The following FER variants were observed in gnomAD, a reference collection of about 807,000 sequenced individuals.
FER encodes tyrosine-protein kinase Fer.
FER carries 63 observed loss-of-function variants against 111.0 expected under a neutral mutation model. That is an observed-to-expected ratio of 0.57 (90% CI 0.46 to 0.70). The LOEUF is 0.70. Among genes scored for constraint, FER ranks in the 30% least tolerant of loss-of-function variants. FER has a pLI of 0.00. For missense variants in FER, 914 were observed against 954.0 expected, an observed-to-expected ratio of 0.96 and a Z score of 0.55; for synonymous variants, 327 against 313.9, an observed-to-expected ratio of 1.04 and a Z score of -0.44.
In FER at chr5:108,930,608, C is replaced by G. The variant is rs537067219; in HGVS notation, c.1237-15522C>G. On this transcript the variant is annotated intron_variant, in intron 10 of 19. Transcript: ENST00000281092. ...CTCTGCCCTCCCCTCCTCCTCTCCC[C>G]TCCTTTTTTCCTTCCCTCTCCTTCC... 4.0e-5 allele frequency among the ~76,000 whole-genome samples: 3 copies of G among 75,398 alleles called. No homozygotes were observed. The East Asian group carries it at 1.1e-3, about 26-fold the overall frequency. The allele number at this position is 75,398 out of a possible 152,430, so 49.5% of individuals were successfully genotyped here.
chr5:108,820,216 G>C, intron 3 of FER: 1 of 985,408 alleles, frequency 1.0e-6, no homozygotes, highest in Non-Finnish European at 1.2e-6. Context: ...CTGGACGTGA[G>C]CTATAAAAGT....
chr5:109,034,090 C>T (rs1293337679), intron 13 of FER, among the ~76,000 whole-genome samples: 3 of 152,146 alleles, frequency 2.0e-5, no homozygotes, highest in Non-Finnish European at 4.4e-5. Context: ...AAACTTACTC[C>T]TCCCATCTAA....
intron 16 of FER, among the ~76,000 whole-genome samples, chr5:109,083,731 A>C (rs1310284226): frequency 6.6e-6 from 1 of 151,994 alleles, no homozygotes; most frequent in Non-Finnish European, 1.5e-5. Context: ...TTTAGTGAGC[A>C]ACTCTGAAAG....
intron 17 of FER, among the ~76,000 whole-genome samples, chr5:109,174,238 G>A (rs1365533946): frequency 1.3e-5 from 2 of 152,110 alleles, no homozygotes; most frequent in Admixed American, 1.3e-4. Context: ...GATCAGCAGT[G>A]CACTGAAATG....
At chr5:108,776,600 A>G (rs1753523320) in intron 2 of FER, among the ~76,000 whole-genome samples, 1 of 152,178 alleles carries the variant, frequency 6.6e-6, no homozygotes, top group Admixed American at 6.5e-5. Context: ...CTTCCAAGGA[A>G]ACTAGTTATC....
At chr5:108,900,120 T>C (rs182936577) in intron 10 of FER, among the ~76,000 whole-genome samples, 20 of 152,364 alleles carry the variant, frequency 1.3e-4, no homozygotes, top group African/African-American at 4.8e-4. Flanking sequence ...AGGATTTTTT[T>C]GTAAAAGAAT....
chr5:109,072,263 A>G (rs1209376755), intron 16 of FER, among the ~76,000 whole-genome samples: 2 of 151,700 alleles, frequency 1.3e-5, no homozygotes, highest in Non-Finnish European at 3.0e-5. Context: ...ATGCTCGCAA[A>G]TGAAAACTGT....
At chr5:109,185,870 T>TA (rs746004329) in intron 18 of FER, among the ~76,000 whole-genome samples, 3 of 152,350 alleles carry the variant, frequency 2.0e-5, no homozygotes, top group East Asian at 1.9e-4. Context: ...AGGGTATACT[T>TA]ACAGAAACCA....
At chr5:109,163,036 T>C (rs527722199) in intron 17 of FER, among the ~76,000 whole-genome samples, 42 of 152,222 alleles carry the variant, frequency 2.8e-4, no homozygotes, top group African/African-American at 9.9e-4. Context: ...AGGGAACCAC[T>C]CATCTGTCAC....
chr5:108,759,050 A>G (rs1751428737), intron 1 of FER, among the ~76,000 whole-genome samples: 1 of 152,222 alleles, frequency 6.6e-6, no homozygotes, highest in African/African-American at 2.4e-5. Flanking sequence ...GGATCTCTGG[A>G]TAATTTCTTT....
intron 3 of FER, among the ~76,000 whole-genome samples, chr5:108,803,425 G>A (rs1255245626): frequency 6.6e-6 from 1 of 152,102 alleles, no homozygotes; most frequent in African/African-American, 2.4e-5. Flanking sequence ...ACCCAGAATG[G>A]TGTTTCCCAG....
chr5:108,894,256 A>G (rs905442140), intron 9 of FER: 1 of 404,558 alleles, frequency 2.5e-6, no homozygotes, highest in African/African-American at 2.1e-5. Flanking sequence ...CAAACAAACA[A>G]AACCTCTTCA....
At chr5:108,993,391 C>CA (rs1440609437) in intron 13 of FER, among the ~76,000 whole-genome samples, 1 of 152,192 alleles carries the variant, frequency 6.6e-6, no homozygotes, top group Non-Finnish European at 1.5e-5. Context: ...ATACGAAAAC[C>CA]AGTCAGGCGT....
intron 16 of FER, among the ~76,000 whole-genome samples, chr5:109,076,980 T>G (rs1482874922): frequency 6.6e-6 from 1 of 152,216 alleles, no homozygotes; most frequent in Non-Finnish European, 1.5e-5. Context: ...AGAGCTAACT[T>G]ATTTATCACA....
chr5:108,893,251 C>CT (rs1218761020), intron 9 of FER, among the ~76,000 whole-genome samples: 1 of 151,484 alleles, frequency 6.6e-6, no homozygotes, highest in Non-Finnish European at 1.5e-5. Flanking sequence ...CTATAAATTA[C>CT]TTTGGGCAGT....
rs745522053 is a variant in FER, at chr5:109,186,222, C to T, written c.2226C>T (p.Asp742=). 11 of 1,614,048 alleles carry T rather than the reference C, an allele frequency of 6.8e-6. No homozygotes were observed. The highest frequency in any genetic ancestry group is 2.2e-5 in the East Asian group (1 of 44,868). ...LNYGRYSSES[D]VWSFGILLWE... ...CAGGGAGATACAGTTCAGAGAGTGA[C>T]GTGTGGAGCTTTGGCATCCTTCTCT... The change falls in exon 19 of 20, where the codon GAC becomes GAT. Residue 742 remains aspartate (D), a synonymous_variant. Transcript: ENST00000281092.
intron 10 of FER, among the ~76,000 whole-genome samples, chr5:108,922,289 G>A (rs1753126806): frequency 6.6e-6 from 1 of 152,104 alleles, no homozygotes; most frequent in South Asian, 2.1e-4. Flanking sequence ...AGCAGCCCTA[G>A]GGAATTAGTA....
intron 11 of FER, among the ~76,000 whole-genome samples, chr5:108,951,515 A>G (rs1581363548): frequency 6.6e-6 from 1 of 152,200 alleles, no homozygotes; most frequent in African/African-American, 2.4e-5. Flanking sequence ...ACCCTAGTGT[A>G]TTACTAAACT....
chr5:109,057,334 T>G (rs1273564579), intron 16 of FER, among the ~76,000 whole-genome samples: 1 of 152,158 alleles, frequency 6.6e-6, no homozygotes, highest in Admixed American at 6.5e-5. Context: ...GTGATAAAAC[T>G]AAAAGCTAGT....
Sources: gnomAD v4.1 joint callset for allele counts (sites outside exome capture counted in the v4.1 genomes callset) on GRCh38, gnomAD v4.1.1 for gene constraint, MANE v1.5 for transcripts, NCBI Gene and HGNC (gene_info 2026-07-23, HGNC 2026-07-21) for gene names.